Variants in MAP3K3 observed in about 807,000 individuals in gnomAD.
The protein encoded by MAP3K3 is mitogen-activated protein kinase kinase kinase 3.
Under a neutral mutation model 80.9 loss-of-function variants are expected in MAP3K3, and 12 were observed. The observed-to-expected ratio is 0.15, with a 90% CI of 0.10 to 0.24. The LOEUF (loss-of-function observed/expected upper bound fraction) is 0.24. MAP3K3 is among the 10% of genes least tolerant of loss of function. The pLI, the probability that MAP3K3 is intolerant of heterozygous loss-of-function variation, is 1.00. For missense variants in MAP3K3, 596 were observed against 834.7 expected (o/e 0.71, Z 3.52); for synonymous variants, 272 against 307.1 (o/e 0.89, Z 1.19).
At chr17:63,675,743 G>A (rs533483498) in intron 6 of MAP3K3, among the ~76,000 whole-genome samples, 14 of 152,338 alleles carry the variant, frequency 9.2e-5, no homozygotes, top group East Asian at 1.9e-4. Flanking sequence ...CACAGGTGGC[G>A]CAGTGAGGCT....
At chr17:63,660,777 G>C (rs6504174) in intron 5 of MAP3K3, among the ~76,000 whole-genome samples, 42,562 of 151,330 alleles carry the variant, frequency 0.28, 6,385 homozygotes, top group Middle Eastern at 0.37. Context: ...TTTTTTTTTA[G>C]TAGAGACGGA....
intron 1 of MAP3K3, among the ~76,000 whole-genome samples, chr17:63,623,969 C>G: frequency 6.6e-6 from 1 of 152,178 alleles, no homozygotes; most frequent in Non-Finnish European, 1.5e-5. Flanking sequence ...TGACCCATCT[C>G]TACACCCTGG....
At position 63,692,026 on chromosome 17, in the gene MAP3K3, A is replaced by G. The variant is rs1307664640; in HGVS notation, c.1474+164A>G. Among the ~76,000 whole-genome samples, 1 of 152,116 alleles carries G rather than the reference A, an allele frequency of 6.6e-6. No homozygotes were observed. The highest frequency in any genetic ancestry group is 6.5e-5 in the Admixed American group (1 of 15,274). ...GATTGGTTGAGCAATATGAGAGAATATTGCCAAGTTCCCTCTACATGTGGG... is the reference window on the plus strand; with the variant it reads ...GATTGGTTGAGCAATATGAGAGAATGTTGCCAAGTTCCCTCTACATGTGGG... On this transcript the variant is annotated intron_variant, in intron 14 of 15. Coordinates refer to ENST00000361733, the MANE Select transcript of MAP3K3 (RefSeq NM_002401.5). This position sits in a 1 kb window ranked among gnomAD's most constrained non-coding sequence, Gnocchi z 4.5.
At chr17:63,654,893 G>A (rs1291549245) in intron 4 of MAP3K3, among the ~76,000 whole-genome samples, 1 of 152,004 alleles carries the variant, frequency 6.6e-6, no homozygotes, top group Non-Finnish European at 1.5e-5. Flanking sequence ...AAAATTAGCT[G>A]GGCATGGTGG....
At chr17:63,684,132 C>T (rs2035398378) in intron 7 of MAP3K3, among the ~76,000 whole-genome samples, 1 of 152,204 alleles carries the variant, frequency 6.6e-6, no homozygotes, top group African/African-American at 2.4e-5. Context: ...GAATGAGACC[C>T]TGTCTCGAAC....
intron 2 of MAP3K3, chr17:63,634,663 G>T: frequency 6.7e-7 from 1 of 1,483,154 alleles, no homozygotes; most frequent in East Asian, 2.3e-5. Flanking sequence ...AACTTATGTT[G>T]CACGAAGGAT....
chr17:63,636,819 G>T, intron 2 of MAP3K3: 1 of 340,982 alleles, frequency 2.9e-6, no homozygotes, highest in Non-Finnish European at 5.8e-6. Context: ...GGTATGTGGA[G>T]AAGAAGGCCA....
In MAP3K3 at chr17:63,692,892, A is replaced by G. The variant is rs1164223520; in HGVS notation, c.1652+473A>G. Among the ~76,000 whole-genome samples, 3 of 152,170 alleles carry G rather than the reference A, an allele frequency of 2.0e-5. No individual in the cohort carries two copies. Among genetic ancestry groups the G allele is most frequent in the Non-Finnish European group, 4.4e-5 (3 of 68,032 alleles). ...AAGATGTCCACTGCCTAATCCCTGG[A>G]TCTGTAAATGTGATTGTATATAGCA... On this transcript the variant is annotated intron_variant, in intron 15 of 15. Coordinates refer to ENST00000361733, the MANE Select transcript of MAP3K3 (RefSeq NM_002401.5). This position sits in a 1 kb window ranked among gnomAD's most constrained non-coding sequence, Gnocchi z 4.5.
chr17:63,675,892 A>G (rs1396444679), intron 6 of MAP3K3, among the ~76,000 whole-genome samples: 1 of 152,182 alleles, frequency 6.6e-6, no homozygotes, highest in Admixed American at 6.5e-5. Context: ...CATTGCTATC[A>G]CTGCTGGTAA....
At chr17:63,666,744 A>G (rs928483559) in intron 5 of MAP3K3, among the ~76,000 whole-genome samples, 196 bp from the exon 6 acceptor site, 1 of 152,232 alleles carries the variant, frequency 6.6e-6, no homozygotes, top group Non-Finnish European at 1.5e-5. Context: ...CATTGAAGCT[A>G]TAAAACTACA....
At chr17:63,665,856 C>T (rs1024342218) in intron 5 of MAP3K3, among the ~76,000 whole-genome samples, 7 of 152,136 alleles carry the variant, frequency 4.6e-5, no homozygotes, top group Non-Finnish European at 7.4e-5. Flanking sequence ...CTGAACTCTC[C>T]CCTGAGAGCA....
intron 1 of MAP3K3, among the ~76,000 whole-genome samples, chr17:63,629,975 ATG>A (rs2034182908): frequency 6.6e-6 from 1 of 152,154 alleles, no homozygotes; most frequent in South Asian, 2.1e-4. Flanking sequence ...TGGTGTGTGT[ATG>A]TGTGTGCCTG....
At position 63,689,482 on chromosome 17, in the gene MAP3K3, G is replaced by A. The variant is rs2035535177; in HGVS notation, c.872-62G>A. 6.8e-7 allele frequency: 1 copy of A among 1,473,496 alleles called. No homozygotes were observed. The highest frequency in any genetic ancestry group is 2.4e-5 in the East Asian group (1 of 41,518). 91.3% of individuals were successfully genotyped at this position (1,473,496 alleles called of 1,614,324 possible). A position where few individuals can be genotyped will look rare whatever the true frequency, so the allele number is the denominator to read the frequency against. ...GCCCGGGGTGTCTCAGACCTGGTTT[G>A]TACGTTCCGCCTCGTAGCCTGGGGT... On this transcript the variant is annotated intron_variant, in intron 10 of 15. Coordinates refer to ENST00000361733, the MANE Select transcript of MAP3K3 (RefSeq NM_002401.5). The surrounding 1 kb of genome is among the most constrained non-coding windows in gnomAD (Gnocchi z 4.3).
In MAP3K3 at chr17:63,695,888, C is replaced by T. The variant is rs1299893189; in HGVS notation, c.*2111C>T. 1 of 152,574 alleles carries T rather than the reference C, an allele frequency of 6.6e-6. No homozygotes were observed. The highest frequency in any genetic ancestry group is 1.5e-5 in the Non-Finnish European group (1 of 68,040). 9.5% of individuals were successfully genotyped at this position (152,574 alleles called of 1,614,324 possible). ...ACTGTGGACATGCTGGCTCAGCATC[C>T]TCAGGACCAAGTTGTTGCTTAATTT... On this transcript the variant is annotated 3_prime_UTR_variant, in exon 16 of 16. Transcript: ENST00000361733. This position sits in a 1 kb window ranked among gnomAD's most constrained non-coding sequence, Gnocchi z 4.1.
intron 7 of MAP3K3, 139 bp downstream of exon 7, chr17:63,682,038 C>A: frequency 1.4e-6 from 1 of 694,928 alleles, no homozygotes; most frequent in Non-Finnish European, 2.1e-6. Flanking sequence ...CAGGCCTGCC[C>A]AAATATGGAT....
intron 3 of MAP3K3, 22 bp from the exon 4 acceptor site, chr17:63,652,535 C>A (rs370948187): frequency 1.3e-6 from 2 of 1,560,552 alleles, no homozygotes; most frequent in African/African-American, 2.7e-5. Context: ...ATTAACCAAC[C>A]TTTCTTTCTG....
intron 3 of MAP3K3, among the ~76,000 whole-genome samples, chr17:63,650,976 A>AT (rs1037652278): frequency 1.3e-5 from 2 of 151,378 alleles, no homozygotes. Flanking sequence ...GGCCCCCAAG[A>AT]TTTTTTTTTA....
intron 2 of MAP3K3, among the ~76,000 whole-genome samples, chr17:63,644,334 C>A (rs191945892): frequency 3.9e-5 from 6 of 152,254 alleles, no homozygotes; most frequent in Admixed American, 3.9e-4. Context: ...CCTGCCTCAG[C>A]CTCCCGAGTA....
In MAP3K3 at chr17:63,685,681, G is replaced by A. The variant is rs770382809; in HGVS notation, c.710+91G>A. 36 of 1,000,556 alleles carry A rather than the reference G, an allele frequency of 3.6e-5. 1 individual carries two copies. The highest frequency in any genetic ancestry group is 6.4e-5 in the African/African-American group (4 of 62,616). 62.0% of individuals were successfully genotyped at this position (1,000,556 alleles called of 1,614,324 possible). ...GAAGAGTTAGCTCTGGAGGCCCAGG[G>A]TTAAAACATCATGCTTCTAGGAAAA... is the stretch of plus-strand genomic sequence containing the variant. On this transcript the variant is annotated intron_variant, in intron 8 of 15. Transcript: ENST00000361733.
Sources: allele counts gnomAD v4.1 joint callset (sites outside exome capture counted in the v4.1 genomes callset), GRCh38; gene constraint gnomAD v4.1.1; non-coding constraint Gnocchi (gnomAD v3.1); transcripts MANE v1.5; gene names NCBI Gene and HGNC (gene_info 2026-07-23, HGNC 2026-07-21).